Variants in SPATA6L observed in about 807,000 individuals in gnomAD.
SPATA6L encodes the protein spermatogenesis associated 6 like.
In SPATA6L, 68 loss-of-function variants were observed where a neutral mutation model predicts 49.2. The observed-to-expected ratio is 1.38, with a 90% CI of 1.14 to 1.69. The LOEUF is 1.69. Among genes scored for constraint, SPATA6L ranks in the 40% most tolerant of loss-of-function variants. The probability of loss-of-function intolerance (pLI) is 0.00; values close to 1 mark genes in which losing one functional copy is unlikely to be tolerated. For missense variants in SPATA6L, 668 were observed against 464.3 expected (o/e 1.44, Z -4.03); for synonymous variants, 198 against 165.7 (o/e 1.19, Z -1.50).
chr9:4,636,396 A>G (rs568519582), intron 3 of SPATA6L, among the ~76,000 whole-genome samples: 33 of 152,226 alleles, frequency 2.2e-4, no homozygotes, highest in Non-Finnish European at 2.9e-4. Context: ...TATTTTCAGT[A>G]TCATAAAAGG....
chr9:4,606,127 C>T (rs1304656349), intron 9 of SPATA6L, among the ~76,000 whole-genome samples: 3 of 151,436 alleles, frequency 2.0e-5, no homozygotes, highest in Non-Finnish European at 4.4e-5. Context: ...GGCGCACCAC[C>T]CACCTGGCTC....
chr9:4,661,952 T>A lies in SPATA6L; in HGVS notation c.124A>T (p.Ser42Cys), dbSNP rs780340186. 2 of 1,614,100 alleles carry A rather than the reference T, an allele frequency of 1.2e-6. No individual in the cohort carries two copies. Among genetic ancestry groups the A allele is most frequent in the Admixed American group, 1.7e-5 (1 of 60,016 alleles). ...YLMNQYLETN[S>C]FPSAFPIMIQ... is the part of the protein sequence containing the mutation. ...ATAATGGGGAACGCAGAGGGAAAGC[T>A]GTTGGTCTCCAGGTACTGATTCATG... Residue 42 changes from serine to cysteine, a missense_variant, in exon 2 of 12, where the codon AGC becomes TGC. Physicochemically the swap from Ser to Cys is moderately radical, Grantham distance 112. Coordinates refer to ENST00000682582, the MANE Select transcript of SPATA6L (RefSeq NM_001353486.2).
chr9:4,606,487 A>AC (rs1417393650), intron 9 of SPATA6L, among the ~76,000 whole-genome samples: 1 of 41,720 alleles, frequency 2.4e-5, no homozygotes, highest in Non-Finnish European at 5.7e-5. Flanking sequence ...TGGGTGCCTG[A>AC]CCCCTGACCC....
chr9:4,600,257 A>T lies in SPATA6L; in HGVS notation c.*554T>A, dbSNP rs547724660. Among the ~76,000 whole-genome samples the T allele has an allele frequency of 3.3e-5, 5 of 152,148 alleles. No individual in the cohort carries two copies. The highest frequency in any genetic ancestry group is 7.3e-5 in the Non-Finnish European group (5 of 68,030). Reference sequence around the variant, plus strand: ...ACAGACATTCAACATCTAAAACAAGATCTGAACTACCCAGACGTAATGCTC... The same window carrying T: ...ACAGACATTCAACATCTAAAACAAGTTCTGAACTACCCAGACGTAATGCTC... On this transcript the variant is annotated 3_prime_UTR_variant, in exon 12 of 12. Transcript: ENST00000682582.
intron 2 of SPATA6L, among the ~76,000 whole-genome samples, chr9:4,660,361 A>C (rs2130788340): frequency 6.6e-6 from 1 of 152,374 alleles, no homozygotes; most frequent in South Asian, 2.1e-4. Context: ...CCCATCAAAA[A>C]GTGGGTGAAG....
At chr9:4,611,968 C>CA (rs1826861370) in intron 9 of SPATA6L, among the ~76,000 whole-genome samples, 1 of 151,982 alleles carries the variant, frequency 6.6e-6, no homozygotes, top group South Asian at 2.1e-4. Context: ...TTCAGCCTCC[C>CA]AGGTAGAGAG....
intron 3 of SPATA6L, among the ~76,000 whole-genome samples, chr9:4,637,098 T>A (rs1253813582): frequency 1.3e-5 from 2 of 152,202 alleles, no homozygotes; most frequent in African/African-American, 4.8e-5. Flanking sequence ...AGACTCTATA[T>A]AATCAGGCTT....
intron 3 of SPATA6L, chr9:4,646,536 G>T (rs1032490552): frequency 6.7e-7 from 1 of 1,487,120 alleles, no homozygotes; most frequent in African/African-American, 1.4e-5. Flanking sequence ...AGCCTAAAAA[G>T]GAAAAAATGA....
At chr9:4,596,925 T>G (rs1456420282), downstream of SPATA6L, among the ~76,000 whole-genome samples, 5 of 152,184 alleles carry the variant, frequency 3.3e-5, no homozygotes. Flanking sequence ...GGGGGAGCAA[T>G]GCTTTCCTCA....
chr9:4,644,685 T>TCACACACA (rs59433051), intron 3 of SPATA6L, among the ~76,000 whole-genome samples: 16 of 107,756 alleles, frequency 1.5e-4, no homozygotes, highest in East Asian at 1.2e-3. Context: ...TCTCTCTCTC[T>TCACACACA]CACACACACA....
At chr9:4,594,697 T>G (rs1395202502), downstream of SPATA6L, among the ~76,000 whole-genome samples, 2 of 152,172 alleles carry the variant, frequency 1.3e-5, no homozygotes, top group Non-Finnish European at 2.9e-5. Context: ...GATGCCTCTT[T>G]GTGAAGCGAG....
At chr9:4,606,077 C>T (rs998708053) in intron 9 of SPATA6L, among the ~76,000 whole-genome samples, 1 of 152,136 alleles carries the variant, frequency 6.6e-6, no homozygotes. Flanking sequence ...TCGGGTCACT[C>T]CCACCCAAAT....
Position 4,618,863 on chromosome 9 carries a change from C to G in SPATA6L, c.807+1G>C. 1 of 1,612,014 alleles carries G rather than the reference C, an allele frequency of 6.2e-7. No homozygotes were observed. The highest frequency in any genetic ancestry group is 8.5e-7 in the Non-Finnish European group (1 of 1,178,690). ...TTTACAAATTCTACTTCTAAAATTA[C>G]CTTTACGTTAGCTGCAAGGCTGTCA... On this transcript the variant is annotated splice_donor_variant, in intron 8 of 11. Coordinates refer to ENST00000682582, the MANE Select transcript of SPATA6L (RefSeq NM_001353486.2). LOFTEE classifies it high-confidence loss of function.
chr9:4,604,269 C>G lies in SPATA6L; in HGVS notation c.1090G>C (p.Glu364Gln). The G allele has an allele frequency of 6.3e-7, 1 of 1,596,184 alleles. No individual in the cohort carries two copies. Among genetic ancestry groups the G allele is most frequent in the Non-Finnish European group, 8.6e-7 (1 of 1,164,994 alleles). Residue 364 changes from glutamate (E) to glutamine (Q), a missense_variant and splice_region_variant, in exon 11 of 12, where the codon GAA becomes CAA. Physicochemically the swap from Glu to Gln is conservative, Grantham distance 29. Transcript: ENST00000682582. ...TAATTTACTTCAGAGGTAGAATCTT[C>G]CTACAATAAAAACAAATCCAGCAAT... ...SHRAQLHQNKEDSTSEVNYII... is the reference protein window; with the variant it reads ...SHRAQLHQNKQDSTSEVNYII...
intron 3 of SPATA6L, among the ~76,000 whole-genome samples, chr9:4,651,759 T>C (rs754082647): frequency 3.3e-5 from 5 of 152,206 alleles, no homozygotes; most frequent in Non-Finnish European, 7.3e-5. Flanking sequence ...CATTACTTCA[T>C]GATAAAAACT....
At chr9:4,624,665 T>G (rs1393432907) in intron 6 of SPATA6L, among the ~76,000 whole-genome samples, 1 of 150,896 alleles carries the variant, frequency 6.6e-6, no homozygotes, top group Non-Finnish European at 1.5e-5. Context: ...AAGGCAGAGG[T>G]TGCAGTAAGC....
At position 4,607,402 on chromosome 9, in the gene SPATA6L, G is replaced by A. The variant is rs1252644695; in HGVS notation, c.996-1962C>T. On this transcript the variant is annotated intron_variant, in intron 9 of 11. Coordinates refer to ENST00000682582, the MANE Select transcript of SPATA6L (RefSeq NM_001353486.2). ...TTAAGGGCAGCCAGAGAGAAAGGTC[G>A]GGTTACCCTCAAAGGGAAGCCCATC... is the stretch of plus-strand genomic sequence containing the variant. Among the ~76,000 whole-genome samples the A allele has an allele frequency of 1.6e-4, 25 of 152,044 alleles. No homozygotes were observed. In the South Asian group the frequency reaches 3.1e-3, roughly 19 times the overall value.
At chr9:4,665,583 GA>G (rs1236140068) in intron 1 of SPATA6L, among the ~76,000 whole-genome samples, 1 of 152,200 alleles carries the variant, frequency 6.6e-6, no homozygotes, top group African/African-American at 2.4e-5. Context: ...AAAGCGGCAT[GA>G]TATTCTGTTA....
intron 2 of SPATA6L, 104 bp from the exon 3 acceptor site, chr9:4,656,193 C>T: frequency 1.1e-6 from 1 of 898,684 alleles, no homozygotes; most frequent in Non-Finnish European, 1.7e-6. Flanking sequence ...AATCCTAGCA[C>T]TTTGGGAGGC....
Sources: gnomAD v4.1 joint callset for allele counts (sites outside exome capture counted in the v4.1 genomes callset) on GRCh38, gnomAD v4.1.1 for gene constraint, MANE v1.5 for transcripts, NCBI Gene and HGNC (gene_info 2026-07-23, HGNC 2026-07-21) for gene names.